Variants in SLC24A2 observed in about 807,000 individuals in gnomAD.
The protein encoded by SLC24A2 is sodium/potassium/calcium exchanger 2.
Under a neutral mutation model 62.0 loss-of-function variants are expected in SLC24A2, and 36 were observed. The ratio of observed to expected loss-of-function variants is 0.58; its 90% confidence interval spans 0.44 to 0.77. The LOEUF (loss-of-function observed/expected upper bound fraction) is 0.77. SLC24A2 is among the 30% of genes least tolerant of loss of function. SLC24A2 has a pLI of 0.00. For missense variants in SLC24A2, 846 were observed against 817.9 expected (o/e 1.03, Z -0.42); for synonymous variants, 358 against 294.0 (o/e 1.22, Z -2.23).
chr9:20,041,853 T>A, the SLC24A2 span, among the ~76,000 whole-genome samples: 2 of 152,234 alleles, frequency 1.3e-5, no homozygotes, highest in African/African-American at 4.8e-5. Context: ...CATCAAGTTC[T>A]TCCAGAGTGG....
intron 2 of SLC24A2, among the ~76,000 whole-genome samples, chr9:19,779,984 C>T (rs1156496296): frequency 6.6e-6 from 1 of 151,976 alleles, no homozygotes; most frequent in Non-Finnish European, 1.5e-5. Flanking sequence ...ATGGCGTGAA[C>T]CCGGGAGGTG....
the SLC24A2 span, among the ~76,000 whole-genome samples, chr9:20,094,435 A>C: frequency 6.6e-6 from 1 of 152,218 alleles, no homozygotes; most frequent in African/African-American, 2.4e-5. Flanking sequence ...TCAACGATAA[A>C]ATTTAAGCTC....
At chr9:19,910,089 G>A in the SLC24A2 span, among the ~76,000 whole-genome samples, 1 of 152,072 alleles carries the variant, frequency 6.6e-6, no homozygotes, top group Admixed American at 6.6e-5. Flanking sequence ...TTCCTGAAAT[G>A]TATAGTCTAG....
chr9:19,768,064 A>C (rs1229801498), intron 2 of SLC24A2, among the ~76,000 whole-genome samples: 1 of 152,108 alleles, frequency 6.6e-6, no homozygotes, highest in Admixed American at 6.6e-5. Flanking sequence ...TAACCCATTA[A>C]TCCATTAATC....
chr9:19,650,773 C>T (rs1242949414), intron 2 of SLC24A2, among the ~76,000 whole-genome samples: 1 of 151,888 alleles, frequency 6.6e-6, no homozygotes, highest in Non-Finnish European at 1.5e-5. Flanking sequence ...AACTAGGATT[C>T]ACAACCGAAA....
the SLC24A2 span, among the ~76,000 whole-genome samples, chr9:20,175,613 G>C: frequency 6.6e-6 from 1 of 151,968 alleles, no homozygotes; most frequent in Non-Finnish European, 1.5e-5. Context: ...AACCGTCAAA[G>C]TGCTCTCTGT....
chr9:20,036,796 G>GTGTA, the SLC24A2 span, among the ~76,000 whole-genome samples: 1 of 151,820 alleles, frequency 6.6e-6, no homozygotes, highest in Non-Finnish European at 1.5e-5. Flanking sequence ...ATATCAAATG[G>GTGTA]TGTAGTATTT....
the SLC24A2 span, among the ~76,000 whole-genome samples, chr9:20,286,583 G>A: frequency 1.3e-5 from 2 of 152,204 alleles, no homozygotes; most frequent in Non-Finnish European, 2.9e-5. Context: ...GCTGCAAGGG[G>A]GGGCTGAGAT....
chr9:20,071,495 T>C, the SLC24A2 span, among the ~76,000 whole-genome samples: 1 of 152,206 alleles, frequency 6.6e-6, no homozygotes, highest in Admixed American at 6.5e-5. Flanking sequence ...ATGTGCCTCT[T>C]TGAAGACTTG....
the SLC24A2 span, among the ~76,000 whole-genome samples, chr9:19,962,115 C>A: frequency 6.6e-6 from 1 of 152,240 alleles, no homozygotes; most frequent in Non-Finnish European, 1.5e-5. Flanking sequence ...CATTTATTCT[C>A]TCATTCATTC....
rs1227169135 is a variant in SLC24A2, at chr9:19,513,177, T to G, written c.*2976A>C. 1 of 52,084 alleles carries G rather than the reference T, an allele frequency of 1.9e-5. No homozygotes were observed. Among genetic ancestry groups the G allele is most frequent in the Non-Finnish European group, 3.9e-5 (1 of 25,630 alleles). 3.2% of individuals were successfully genotyped at this position (52,084 alleles called of 1,614,324 possible). ...AGATATATATATATATATATATATG[T>G]ATATATATATATATGTATATATTTA... On this transcript the variant is annotated 3_prime_UTR_variant, in exon 11 of 11. Transcript: ENST00000341998.
rs72142691 is a variant in SLC24A2 at position 19,680,851 on chromosome 9, T to TTGTGTG, written c.931-58558_931-58553dup. ...TTTAAACTCAAAATATATACCAGAG[T>TTGTGTG]TGTGTGTGTGTGTGTGTGTGTGTGT... On this transcript the variant is annotated intron_variant, in intron 2 of 10. Coordinates refer to ENST00000341998, the MANE Select transcript of SLC24A2 (RefSeq NM_020344.4). Among the ~76,000 whole-genome samples the TTGTGTG allele has an allele frequency of 2.5e-3, 371 of 147,064 alleles. 2 individuals carry two copies. Among genetic ancestry groups the TTGTGTG allele is most frequent in the African/African-American group, 8.3e-3 (332 of 39,796 alleles).
chr9:19,524,008 T>A (rs1833316270), intron 9 of SLC24A2, among the ~76,000 whole-genome samples: 2 of 152,030 alleles, frequency 1.3e-5, no homozygotes, highest in African/African-American at 4.8e-5. Flanking sequence ...AGTTAACTTT[T>A]GTCAAATCAG....
chr9:19,614,683 T>C (rs1260933793), intron 4 of SLC24A2, among the ~76,000 whole-genome samples: 2 of 152,040 alleles, frequency 1.3e-5, no homozygotes, highest in African/African-American at 2.4e-5. Flanking sequence ...CAGCTTCTGC[T>C]TGGTCTTCCT....
chr9:19,890,647 T>C, the SLC24A2 span, among the ~76,000 whole-genome samples: 1 of 152,158 alleles, frequency 6.6e-6, no homozygotes, highest in African/African-American at 2.4e-5. Flanking sequence ...CATTCTTGTG[T>C]GATCTCATTC....
At chr9:19,923,007 A>G in the SLC24A2 span, among the ~76,000 whole-genome samples, 2 of 149,744 alleles carry the variant, frequency 1.3e-5, no homozygotes, top group Admixed American at 6.7e-5. Flanking sequence ...ATATTTATAT[A>G]TATAAAACAT....
chr9:19,897,261 C>T, the SLC24A2 span, among the ~76,000 whole-genome samples: 132 of 152,198 alleles, frequency 8.7e-4, no homozygotes, highest in Admixed American at 1.8e-3. Context: ...TAAACAGTGA[C>T]CCCATATTGT....
the SLC24A2 span, among the ~76,000 whole-genome samples, chr9:19,880,657 T>C: frequency 1.3e-5 from 2 of 152,078 alleles, no homozygotes; most frequent in Non-Finnish European, 2.9e-5. Flanking sequence ...TATTTGCTAA[T>C]GGGATGAGTG....
At chr9:20,185,902 A>T in the SLC24A2 span, among the ~76,000 whole-genome samples, 5 of 152,126 alleles carry the variant, frequency 3.3e-5, no homozygotes, top group South Asian at 2.1e-4. Context: ...TATTTATCTG[A>T]GATGTACTGA....
Sources: allele counts gnomAD v4.1 joint callset (sites outside exome capture counted in the v4.1 genomes callset), GRCh38; gene constraint gnomAD v4.1.1; transcripts MANE v1.5; gene names NCBI Gene and HGNC (gene_info 2026-07-23, HGNC 2026-07-21).